Variants in PHF21B observed in about 807,000 individuals in gnomAD.
PHF21B encodes the protein PHD finger protein 21B.
Under a neutral mutation model 62.2 loss-of-function variants are expected in PHF21B, and 22 were observed. The observed-to-expected ratio is 0.35, with a 90% CI of 0.25 to 0.51. The LOEUF (loss-of-function observed/expected upper bound fraction) is 0.51. PHF21B is among the 20% of genes least tolerant of loss of function. The pLI is 0.97. For synonymous variants in PHF21B, 341 were observed against 314.7 expected (o/e 1.08, Z -0.88); for missense variants, 701 against 707.9 (o/e 0.99, Z 0.11).
chr22:44,891,249 G>A, intron 8 of PHF21B, 57 bp downstream of exon 8: 1 of 1,594,040 alleles, frequency 6.3e-7, no homozygotes. Context: ...GACCACCCAG[G>A]GATGACTCCC....
intron 11 of PHF21B, 90 bp from the exon 12 acceptor site, chr22:44,885,619 C>G: frequency 7.7e-7 from 1 of 1,301,936 alleles, no homozygotes; most frequent in Non-Finnish European, 1.1e-6. Context: ...GGGATGAAAC[C>G]AAGGCCTAGG....
chr22:44,971,468 G>A (rs920449936), intron 2 of PHF21B: 3 of 152,112 alleles, frequency 2.0e-5, no homozygotes, highest in African/African-American at 4.8e-5. Flanking sequence ...ATACTGAGAA[G>A]GGGTCTCCAC....
At chr22:44,910,981 A>C (rs745349927) in intron 5 of PHF21B, among the ~76,000 whole-genome samples, 1 of 152,246 alleles carries the variant, frequency 6.6e-6, no homozygotes, top group Admixed American at 6.5e-5. Flanking sequence ...GGTCAGGCTG[A>C]GGTGGTCTCA....
At chr22:44,988,847 A>G (rs1569276746) in intron 2 of PHF21B, among the ~76,000 whole-genome samples, 2 of 152,168 alleles carry the variant, frequency 1.3e-5, no homozygotes, top group Non-Finnish European at 2.9e-5. Flanking sequence ...ACAGTTCTGG[A>G]GGCTGGGAAG....
At chr22:44,958,118 G>A (rs989553333) in intron 2 of PHF21B, among the ~76,000 whole-genome samples, 32 of 152,256 alleles carry the variant, frequency 2.1e-4, no homozygotes, top group African/African-American at 7.5e-4. Context: ...GGTCAGGCTG[G>A]TCTCGAACTC....
chr22:44,928,558 C>T (rs2071678770), intron 2 of PHF21B, among the ~76,000 whole-genome samples: 1 of 152,154 alleles, frequency 6.6e-6, no homozygotes. Context: ...TACAGGCGCC[C>T]ACCACCATGT....
chr22:44,997,445 C>T (rs1327322894), intron 2 of PHF21B, among the ~76,000 whole-genome samples: 1 of 152,046 alleles, frequency 6.6e-6, no homozygotes, highest in Non-Finnish European at 1.5e-5. Flanking sequence ...GCAATGTGGA[C>T]AAACAGAGTT....
intron 5 of PHF21B, among the ~76,000 whole-genome samples, chr22:44,911,647 G>C (rs1297943648): frequency 1.3e-5 from 2 of 152,238 alleles, no homozygotes; most frequent in African/African-American, 4.8e-5. Context: ...CCTCTGCCTA[G>C]ATTTCACAAG....
chr22:44,926,268 A>G (rs963064421), intron 2 of PHF21B, among the ~76,000 whole-genome samples: 2 of 152,300 alleles, frequency 1.3e-5, no homozygotes, highest in Middle Eastern at 3.4e-3. Flanking sequence ...GAAGGCCCAC[A>G]TGGCATGTCC....
intron 2 of PHF21B, among the ~76,000 whole-genome samples, chr22:44,946,611 TTGTA>T (rs2072078280): frequency 6.6e-6 from 1 of 151,314 alleles, no homozygotes; most frequent in Admixed American, 6.6e-5. Context: ...TGGACAGTGG[TTGTA>T]TGGATGGATG....
At chr22:44,950,721 T>C (rs1197692230) in intron 2 of PHF21B, among the ~76,000 whole-genome samples, 2 of 152,234 alleles carry the variant, frequency 1.3e-5, no homozygotes, top group African/African-American at 4.8e-5. Flanking sequence ...TTGGGGAATA[T>C]GAATCACTTG....
At chr22:44,980,063 C>T (rs1432134411) in intron 2 of PHF21B, among the ~76,000 whole-genome samples, 1 of 77,648 alleles carries the variant, frequency 1.3e-5, no homozygotes, top group African/African-American at 6.0e-5. Context: ...AGCAAGACTT[C>T]GTCTCAAAAA....
chr22:44,900,214 C>T (rs759014632), intron 5 of PHF21B, among the ~76,000 whole-genome samples: 3 of 152,056 alleles, frequency 2.0e-5, no homozygotes, highest in Non-Finnish European at 4.4e-5. Context: ...TGATGCTCAC[C>T]CCAGTGCTGG....
intron 5 of PHF21B, among the ~76,000 whole-genome samples, chr22:44,907,805 T>C (rs1028663042): frequency 1.5e-4 from 23 of 152,276 alleles, no homozygotes; most frequent in African/African-American, 5.3e-4. Flanking sequence ...AGCCATGTCA[T>C]AGGCCCTGAC....
chr22:44,916,160 T>A (rs1416067211), intron 4 of PHF21B, 120 bp downstream of exon 4: 1 of 937,258 alleles, frequency 1.1e-6, no homozygotes, highest in Non-Finnish European at 1.6e-6. Context: ...CACTTGATCA[T>A]TCTGCCTCCT....
chr22:44,916,619 C>T lies in PHF21B; in HGVS notation c.225G>A (p.Lys75=). Residue 75 remains lysine, a synonymous_variant, in exon 4 of 13, where the codon AAG becomes AAA. Transcript: ENST00000313237. ...CGGGGAGGCTGTCTGGAATCAGAGT[C>T]TTTGGCCTAACCTGGGAAGAAGGGA... is the stretch of plus-strand genomic sequence containing the variant. ...GAAVLPQVRP[K]TLIPDSLPVA... is the part of the protein sequence containing the mutation. 15 of 1,601,654 alleles carry T rather than the reference C, an allele frequency of 9.4e-6. No homozygotes were observed. Among genetic ancestry groups the T allele is most frequent in the Non-Finnish European group, 1.3e-5 (15 of 1,179,928 alleles).
intron 12 of PHF21B, among the ~76,000 whole-genome samples, chr22:44,883,847 T>C (rs2070780736): frequency 6.6e-6 from 1 of 152,004 alleles, no homozygotes. Flanking sequence ...ATAGGGACAA[T>C]CACAAAGCCT....
chr22:44,980,874 G>T (rs2072828657), intron 2 of PHF21B, among the ~76,000 whole-genome samples: 1 of 152,154 alleles, frequency 6.6e-6, no homozygotes, highest in Non-Finnish European at 1.5e-5. Context: ...CAGCACTGCC[G>T]CCCAGAGTCA....
In PHF21B at chr22:44,883,051, A is replaced by C; in HGVS notation, c.*35T>G. On this transcript the variant is annotated 3_prime_UTR_variant, in exon 13 of 13. Transcript: ENST00000313237. ...CAGGCTGTGTAAGCAGGGTCCCAAT[A>C]ACTTTCCGTGGGTATGAAGACTGGT... 1 of 1,572,048 alleles carries C rather than the reference A, an allele frequency of 6.4e-7. No individual in the cohort carries two copies.
Sources: allele counts gnomAD v4.1 joint callset (sites outside exome capture counted in the v4.1 genomes callset), GRCh38; gene constraint gnomAD v4.1.1; transcripts MANE v1.5; gene names NCBI Gene and HGNC (gene_info 2026-07-23, HGNC 2026-07-21).